The following MPPED2 variants were observed in gnomAD, a reference collection of about 807,000 sequenced individuals.
MPPED2 encodes metallophosphoesterase domain containing 2.
MPPED2 carries 5 observed loss-of-function variants against 33.0 expected under a neutral mutation model. That is an observed-to-expected ratio of 0.15 (90% CI 0.08 to 0.32). The LOEUF (loss-of-function observed/expected upper bound fraction) is 0.32. Ranked by LOEUF, MPPED2 falls within the 10% of genes least tolerant of loss-of-function variation. The pLI is 1.00. For synonymous variants in MPPED2, 136 were observed against 141.9 expected (o/e 0.96, Z 0.29); for missense variants, 275 against 372.1 (o/e 0.74, Z 2.15).
At chr11:30,528,284 CT>C (rs1485181860) in intron 3 of MPPED2, among the ~76,000 whole-genome samples, 1 of 152,000 alleles carries the variant, frequency 6.6e-6, no homozygotes, top group Non-Finnish European at 1.5e-5. Context: ...CAGACGGAGT[CT>C]CGCTCTGTTG....
At chr11:30,430,244 A>C (rs925416664) in intron 4 of MPPED2, among the ~76,000 whole-genome samples, 3 of 152,322 alleles carry the variant, frequency 2.0e-5, no homozygotes, top group Non-Finnish European at 4.4e-5. Flanking sequence ...GCTGCCCAAT[A>C]TGATAGCCGT....
chr11:30,436,842 T>C (rs1401756822), intron 4 of MPPED2, among the ~76,000 whole-genome samples: 2 of 152,226 alleles, frequency 1.3e-5, no homozygotes, highest in African/African-American at 4.8e-5. Flanking sequence ...TAAAGCAATA[T>C]ACTTTTAGAC....
intron 4 of MPPED2, among the ~76,000 whole-genome samples, chr11:30,456,394 C>A (rs1950279380): frequency 6.6e-6 from 1 of 152,126 alleles, no homozygotes; most frequent in Non-Finnish European, 1.5e-5. Flanking sequence ...GGGACTGGTA[C>A]CCAACCAACA....
intron 4 of MPPED2, among the ~76,000 whole-genome samples, chr11:30,492,110 G>T (rs1276390328): frequency 6.6e-6 from 1 of 152,142 alleles, no homozygotes; most frequent in African/African-American, 2.4e-5. Context: ...CATTTTAAAT[G>T]ATATCAATCC....
At chr11:30,550,304 G>A (rs1955639194) in intron 2 of MPPED2, among the ~76,000 whole-genome samples, 1 of 152,174 alleles carries the variant, frequency 6.6e-6, no homozygotes, top group South Asian at 2.1e-4. Context: ...GCTGTAGCAT[G>A]TCATCTATAC....
At chr11:30,436,181 C>T (rs955417873) in intron 4 of MPPED2, among the ~76,000 whole-genome samples, 4 of 151,426 alleles carry the variant, frequency 2.6e-5, no homozygotes, top group Non-Finnish European at 5.9e-5. Context: ...AACTGTAAAC[C>T]GCCAGAGGGG....
At chr11:30,526,258 G>T (rs186814069) in intron 3 of MPPED2, among the ~76,000 whole-genome samples, 1 of 151,888 alleles carries the variant, frequency 6.6e-6, no homozygotes, top group Non-Finnish European at 1.5e-5. Flanking sequence ...GAACATACAG[G>T]CAACTCATAG....
At chr11:30,394,560 C>T (rs560513194) in intron 6 of MPPED2, among the ~76,000 whole-genome samples, 1 of 152,214 alleles carries the variant, frequency 6.6e-6, no homozygotes, top group South Asian at 2.1e-4. Flanking sequence ...TATTTGCCAT[C>T]CACAGATCCT....
chr11:30,405,782 T>C (rs1419438665), downstream of MPPED2, among the ~76,000 whole-genome samples: 1 of 152,180 alleles, frequency 6.6e-6, no homozygotes, highest in Non-Finnish European at 1.5e-5. Context: ...TTTTTTTCTC[T>C]TTAGGAAATT....
chr11:30,574,805 A>G (rs1180904128), intron 2 of MPPED2, among the ~76,000 whole-genome samples: 1 of 152,226 alleles, frequency 6.6e-6, no homozygotes, highest in South Asian at 2.1e-4. Context: ...AAAGTGTTAC[A>G]TACTTGTTGT....
rs373945020 is a variant in MPPED2, at chr11:30,388,860, T to C, written c.*29A>G. On this transcript the variant is annotated 3_prime_UTR_variant, in exon 7 of 7. Coordinates refer to the MPPED2 transcript ENST00000448418. ...AATGCTAATTCATCAGATCATCAAT[T>C]AATTGTGTCTATGCCAGTTTCCTCT... The C allele has an allele frequency of 5.2e-6, 8 of 1,533,284 alleles. No individual in the cohort carries two copies. In the African/African-American group the frequency reaches 9.6e-5, roughly 18 times the overall value. 95.0% of individuals were successfully genotyped at this position (1,533,284 alleles called of 1,614,324 possible). A position where few individuals can be genotyped will look rare whatever the true frequency, so the allele number is the denominator to read the frequency against.
At position 30,464,113 on chromosome 11, in the gene MPPED2, CAAGT is replaced by C. The variant is rs1351620439; in HGVS notation, c.536+31179_536+31182del. Reference sequence around the variant, plus strand: ...AATAACAATGTAAATATTATCCTAACAAGTAAGTGATATGATAAATACATCAGCT... The same window carrying C: ...AATAACAATGTAAATATTATCCTAACAAGTGATATGATAAATACATCAGCT... On this transcript the variant is annotated intron_variant, in intron 4 of 6. Coordinates refer to ENST00000358117, the MANE Select transcript of MPPED2 (RefSeq NM_001584.3). 8.5e-5 allele frequency among the ~76,000 whole-genome samples: 13 copies of C among 152,158 alleles called. No homozygotes were observed. The South Asian group carries it at 2.5e-3, about 29-fold the overall frequency.
chr11:30,491,468 C>A (rs1219856728), intron 4 of MPPED2, among the ~76,000 whole-genome samples: 2 of 152,136 alleles, frequency 1.3e-5, no homozygotes, highest in African/African-American at 2.4e-5. Flanking sequence ...TGAAGGTTGA[C>A]AGAGGTATAA....
intron 6 of MPPED2, among the ~76,000 whole-genome samples, chr11:30,401,761 T>C (rs1947911173): frequency 6.6e-6 from 1 of 152,148 alleles, no homozygotes; most frequent in African/African-American, 2.4e-5. Flanking sequence ...CTCAGCTCAC[T>C]GCAAGCTCCA....
intron 2 of MPPED2, among the ~76,000 whole-genome samples, chr11:30,550,189 C>G (rs1955632411): frequency 6.6e-6 from 1 of 152,078 alleles, no homozygotes; most frequent in Non-Finnish European, 1.5e-5. Context: ...CTGTAGGAAT[C>G]TAGGGTGAAT....
chr11:30,443,561 G>A (rs1290115311), intron 4 of MPPED2, among the ~76,000 whole-genome samples: 1 of 152,104 alleles, frequency 6.6e-6, no homozygotes, highest in Non-Finnish European at 1.5e-5. Context: ...GCAGACAAGT[G>A]ATAGACTAAA....
intron 2 of MPPED2, among the ~76,000 whole-genome samples, chr11:30,569,411 A>G (rs1345083903): frequency 6.6e-6 from 1 of 152,176 alleles, no homozygotes; most frequent in Non-Finnish European, 1.5e-5. Flanking sequence ...TTAGGAGTCA[A>G]CACCTCCTAG....
chr11:30,494,409 C>G (rs1419751511), intron 4 of MPPED2, among the ~76,000 whole-genome samples: 1 of 151,956 alleles, frequency 6.6e-6, no homozygotes, highest in Non-Finnish European at 1.5e-5. Context: ...TCAGAGGTTC[C>G]GCATCCAGGG....
rs190477433 is a variant in MPPED2, at chr11:30,448,557, C to T, written c.537-30924G>A. ...CATTCAGGAGGTTACTGCTATAAGT[C>T]TATTTTGACCTACAAGGAAATGGGC... is the stretch of plus-strand genomic sequence containing the variant. On this transcript the variant is annotated intron_variant, in intron 4 of 6. Transcript: ENST00000358117. 1.7e-3 allele frequency among the ~76,000 whole-genome samples: 258 copies of T among 152,298 alleles called. 1 individual carries two copies. Among genetic ancestry groups the T allele is most frequent in the African/African-American group, 6.0e-3 (248 of 41,564 alleles).
Sources: allele counts gnomAD v4.1 joint callset (sites outside exome capture counted in the v4.1 genomes callset), GRCh38; gene constraint gnomAD v4.1.1; transcripts MANE v1.5; gene names NCBI Gene and HGNC (gene_info 2026-07-23, HGNC 2026-07-21).